CTNNA2: variants seen among roughly 807,000 people sequenced by gnomAD.
CTNNA2 encodes catenin alpha 2, also known as catenin alpha-2.
CTNNA2 carries 42 observed loss-of-function variants against 101.0 expected under a neutral mutation model. The observed-to-expected ratio is 0.42, with a 90% CI of 0.32 to 0.54. The LOEUF (loss-of-function observed/expected upper bound fraction) is 0.54. Ranked by LOEUF, CTNNA2 falls within the 20% of genes least tolerant of loss-of-function variation. The pLI is 0.14. For missense variants in CTNNA2, 871 were observed against 1,223.1 expected, an observed-to-expected ratio of 0.71 and a Z score of 4.29; for synonymous variants, 450 against 456.4, an observed-to-expected ratio of 0.99 and a Z score of 0.18.
chr2:79,530,451 A>G (rs1420942812), intron 1 of CTNNA2, among the ~76,000 whole-genome samples: 3 of 152,132 alleles, frequency 2.0e-5, no homozygotes, highest in Non-Finnish European at 4.4e-5. Context: ...GCACAATCTG[A>G]ATAGTGAAGA....
chr2:80,364,018 T>G (rs2149321602), intron 7 of CTNNA2, among the ~76,000 whole-genome samples: 1 of 152,298 alleles, frequency 6.6e-6, no homozygotes, highest in African/African-American at 2.4e-5. Flanking sequence ...TAGCGTTTAC[T>G]GCAGTGTGTC....
At chr2:79,489,777 T>C (rs1218114533) in intron 4 of CTNNA2, among the ~76,000 whole-genome samples, 1 of 152,146 alleles carries the variant, frequency 6.6e-6, no homozygotes, top group Non-Finnish European at 1.5e-5. Context: ...TATAACGCAA[T>C]TTCTCAATAA....
chr2:80,150,710 A>G (rs1488697866), intron 7 of CTNNA2, among the ~76,000 whole-genome samples: 1 of 152,216 alleles, frequency 6.6e-6, no homozygotes, highest in Non-Finnish European at 1.5e-5. Flanking sequence ...TCAGAGCACT[A>G]TTCCCTGTAA....
chr2:79,483,772 G>T (rs1671132029), intron 4 of CTNNA2, among the ~76,000 whole-genome samples: 1 of 152,160 alleles, frequency 6.6e-6, no homozygotes, highest in Admixed American at 6.5e-5. Context: ...GTATTCCGTG[G>T]TGTATACGTA....
At position 79,187,270 on chromosome 2, in the gene CTNNA2, C is replaced by CTTTTTTTTTTTTT. The variant is rs781414965; in HGVS notation, c.-524+1844_-524+1856dup. 2.8e-3 allele frequency among the ~76,000 whole-genome samples: 182 copies of CTTTTTTTTTTTTT among 65,424 alleles called. 4 individuals are homozygous for CTTTTTTTTTTTTT. Among genetic ancestry groups the CTTTTTTTTTTTTT allele is most frequent in the Non-Finnish European group, 3.8e-3 (137 of 35,626 alleles). 42.9% of individuals were successfully genotyped at this position (65,424 alleles called of 152,430 possible). ...CTTTTCTTTTCTTTTCTTTTCTTTT[C>CTTTTTTTTTTTTT]TTTTTTTTTTTTTTTTTGAGACAGA... On this transcript the variant is annotated intron_variant, in intron 1 of 21. Coordinates refer to the CTNNA2 transcript ENST00000466387.
intron 7 of CTNNA2, among the ~76,000 whole-genome samples, chr2:80,215,554 C>G (rs1021885874): frequency 6.6e-6 from 1 of 152,174 alleles, no homozygotes; most frequent in Non-Finnish European, 1.5e-5. Flanking sequence ...CTGGGTAACA[C>G]CAGCTGAGGC....
At chr2:80,156,821 C>G (rs1347426619) in intron 7 of CTNNA2, among the ~76,000 whole-genome samples, 1 of 152,332 alleles carries the variant, frequency 6.6e-6, no homozygotes, top group Non-Finnish European at 1.5e-5. Flanking sequence ...TTGGCAGAAC[C>G]ATACTTACTT....
intron 7 of CTNNA2, among the ~76,000 whole-genome samples, chr2:80,049,871 T>C (rs1696758774): frequency 6.6e-6 from 1 of 152,142 alleles, no homozygotes; most frequent in African/African-American, 2.4e-5. Context: ...CATGTGTCTG[T>C]TAGGAGCTTG....
At chr2:80,630,669 A>C (rs1001339728) in intron 18 of CTNNA2, among the ~76,000 whole-genome samples, 1 of 152,144 alleles carries the variant, frequency 6.6e-6, no homozygotes, top group Admixed American at 6.6e-5. Context: ...TAGTTAAAAT[A>C]AAATTTTTAC....
chr2:80,360,081 A>G (rs1194442912), intron 7 of CTNNA2, among the ~76,000 whole-genome samples: 1 of 152,114 alleles, frequency 6.6e-6, no homozygotes, highest in Non-Finnish European at 1.5e-5. Flanking sequence ...TGTAGTTTCT[A>G]ATGTAGTGGT....
At chr2:80,347,697 A>C (rs1268868039) in intron 7 of CTNNA2, among the ~76,000 whole-genome samples, 1 of 152,150 alleles carries the variant, frequency 6.6e-6, no homozygotes, top group Non-Finnish European at 1.5e-5. Flanking sequence ...GTTGCTACTC[A>C]AAGTGTAGTT....
At chr2:80,192,552 G>A (rs989282436) in intron 7 of CTNNA2, among the ~76,000 whole-genome samples, 3 of 151,790 alleles carry the variant, frequency 2.0e-5, no homozygotes, top group African/African-American at 4.8e-5. Flanking sequence ...TTTTGACAGA[G>A]TCTTGCTCTT....
chr2:80,391,109 G>A (rs1468347747), intron 7 of CTNNA2, among the ~76,000 whole-genome samples: 2 of 149,680 alleles, frequency 1.3e-5, no homozygotes, highest in Non-Finnish European at 3.0e-5. Context: ...TCCAGCCTGG[G>A]TGACAGAGCA....
At chr2:80,118,994 A>G (rs1405170023) in intron 7 of CTNNA2, among the ~76,000 whole-genome samples, 6 of 152,234 alleles carry the variant, frequency 3.9e-5, no homozygotes, top group Non-Finnish European at 1.5e-5. Flanking sequence ...ATGTGGATGC[A>G]ATACGCTACC....
At chr2:79,260,130 C>T (rs1433646794) in intron 2 of CTNNA2, among the ~76,000 whole-genome samples, 13 of 152,042 alleles carry the variant, frequency 8.6e-5, no homozygotes. Context: ...TTGAAGCTGG[C>T]CAGCTTGCCA....
intron 7 of CTNNA2, among the ~76,000 whole-genome samples, chr2:80,296,809 C>G (rs1471321384): frequency 6.6e-6 from 1 of 152,016 alleles, no homozygotes; most frequent in Non-Finnish European, 1.5e-5. Context: ...TACTGGATAC[C>G]AGTAGCACCA....
At chr2:80,490,727 G>A (rs1355419371) in intron 9 of CTNNA2, among the ~76,000 whole-genome samples, 1 of 151,984 alleles carries the variant, frequency 6.6e-6, no homozygotes, top group Non-Finnish European at 1.5e-5. Context: ...TTTTTTTAAA[G>A]GACAGAATGT....
chr2:80,198,307 T>C (rs1158512018), intron 7 of CTNNA2, among the ~76,000 whole-genome samples: 1 of 152,170 alleles, frequency 6.6e-6, no homozygotes, highest in African/African-American at 2.4e-5. Flanking sequence ...CTTTCAGATT[T>C]ATAGGAACAT....
intron 4 of CTNNA2, among the ~76,000 whole-genome samples, chr2:79,456,976 C>A (rs374995980): frequency 2.6e-5 from 4 of 151,986 alleles, no homozygotes; most frequent in African/African-American, 9.7e-5. Context: ...CCGAGGCGGG[C>A]AGATCACGAG....
Sources: allele counts gnomAD v4.1 joint callset (sites outside exome capture counted in the v4.1 genomes callset), GRCh38; gene constraint gnomAD v4.1.1; transcripts MANE v1.5; gene names NCBI Gene and HGNC (gene_info 2026-07-23, HGNC 2026-07-21).